Variants in ANKRD30A observed in about 807,000 individuals in gnomAD.
ANKRD30A encodes ankyrin repeat domain-containing protein 30A.
In ANKRD30A, 170 loss-of-function variants were observed where a neutral mutation model predicts 166.3. That is an observed-to-expected ratio of 1.02 (90% CI 0.90 to 1.16). ANKRD30A has a LOEUF of 1.16. Ranked by LOEUF, ANKRD30A falls within the 50% of genes most tolerant of loss-of-function variation. The probability of loss-of-function intolerance (pLI) is 0.00; values close to 1 mark genes in which losing one functional copy is unlikely to be tolerated. For synonymous variants in ANKRD30A, 564 were observed against 508.9 expected (o/e 1.11, Z -1.46); for missense variants, 1,630 against 1,518.0 (o/e 1.07, Z -1.23).
At chr10:37,234,740 CTT>C (rs1415570544), downstream of ANKRD30A, among the ~76,000 whole-genome samples, 9 of 152,142 alleles carry the variant, frequency 5.9e-5, no homozygotes, top group African/African-American at 2.2e-4. Flanking sequence ...ATTTAAGTAA[CTT>C]TTCTATTTCT....
At chr10:37,199,145 A>G (rs1246087961) in intron 29 of ANKRD30A, among the ~76,000 whole-genome samples, 1 of 152,112 alleles carries the variant, frequency 6.6e-6, no homozygotes, top group African/African-American at 2.4e-5. Context: ...CATATGCAAT[A>G]AAAGTTTTTT....
Position 37,219,306 on chromosome 10 carries a change from C to T in ANKRD30A, c.3594C>T (p.His1198=). Residue 1198 remains histidine, a synonymous_variant, in exon 34 of 36, where the codon CAC becomes CAT. Transcript: ENST00000361713. ...TACTAGAGGCAGAAATTGAATCACA[C>T]CATCCTAGACTGGCTTCTGCTGTAC... ...KEILEAEIES[H]HPRLASAVQD... is the part of the protein sequence containing the mutation. 2 of 1,610,422 alleles carry T rather than the reference C, an allele frequency of 1.2e-6. No homozygotes were observed. Among genetic ancestry groups the T allele is most frequent in the Non-Finnish European group, 1.7e-6 (2 of 1,177,592 alleles).
chr10:37,165,304 A>C (rs1459700355), intron 18 of ANKRD30A, 149 bp downstream of exon 18: 1 of 799,842 alleles, frequency 1.3e-6, no homozygotes, highest in African/African-American at 1.7e-5. Context: ...TGGAGAATCT[A>C]TGTGCTAAGT....
At chr10:37,240,499 A>G in the ANKRD30A span, among the ~76,000 whole-genome samples, 2 of 152,138 alleles carry the variant, frequency 1.3e-5, no homozygotes, top group Admixed American at 6.5e-5. Flanking sequence ...GAAATATTCT[A>G]CATTTCTTGG....
At chr10:37,178,471 T>A (rs1159053732) in intron 24 of ANKRD30A, 1 of 919,974 alleles carries the variant, frequency 1.1e-6, no homozygotes. Flanking sequence ...AGTTCTCAGG[T>A]GATGCTGATG....
chr10:37,247,829 C>T, the ANKRD30A span, among the ~76,000 whole-genome samples: 29,456 of 146,120 alleles, frequency 0.2, 3,266 homozygotes, highest in Admixed American at 0.28. Context: ...TTGCAGTGAG[C>T]GGAGATCGTG....
intron 17 of ANKRD30A, 64 bp from the exon 18 acceptor site, chr10:37,165,030 A>T: frequency 6.7e-7 from 1 of 1,483,418 alleles, no homozygotes; most frequent in Non-Finnish European, 9.4e-7. Flanking sequence ...AGATTTGTAT[A>T]TGTTTTTAAA....
rs1267152040 is a variant in ANKRD30A, at chr10:37,231,465, C to T, written c.4190C>T (p.Ser1397Leu). Residue 1397 changes from serine to leucine, a missense_variant, in exon 35 of 36, where the codon TCA (serine) becomes TTA (leucine). Ser to Leu is a moderately radical substitution (Grantham distance 145). This residue lies in a region of ANKRD30A where 712 missense variants were observed against 629.3 expected (regional missense o/e 1.13). Coordinates refer to ENST00000361713, the MANE Select transcript of ANKRD30A (RefSeq NM_052997.3). ...YEKEKAETEN[S>L] ...TTCCTTTTGCAATCTTCACAGAACTCATGAGAGACAAGCAGTAAGAAACTT... is the reference window on the plus strand; with the variant it reads ...TTCCTTTTGCAATCTTCACAGAACTTATGAGAGACAAGCAGTAAGAAACTT... 6.3e-7 allele frequency: 1 copy of T among 1,587,796 alleles called. No individual in the cohort carries two copies. Among genetic ancestry groups the T allele is most frequent in the Non-Finnish European group, 8.6e-7 (1 of 1,165,460 alleles).
At chr10:37,200,156 T>C (rs1169163631) in intron 30 of ANKRD30A, among the ~76,000 whole-genome samples, 4 of 152,038 alleles carry the variant, frequency 2.6e-5, no homozygotes, top group East Asian at 3.9e-4. Flanking sequence ...AAAGTTCTAA[T>C]TGGATTCATA....
chr10:37,151,572 C>T (rs17590009), intron 11 of ANKRD30A, among the ~76,000 whole-genome samples: 24 of 152,030 alleles, frequency 1.6e-4, no homozygotes, highest in African/African-American at 5.6e-4. Flanking sequence ...AAGGATTGGA[C>T]ATATAGTTGA....
chr10:37,159,151 C>T (rs1171042747), intron 15 of ANKRD30A, among the ~76,000 whole-genome samples: 1 of 152,120 alleles, frequency 6.6e-6, no homozygotes, highest in Non-Finnish European at 1.5e-5. Flanking sequence ...TTTAATGCTA[C>T]TGTAATGAAT....
rs541896317 is a variant in ANKRD30A at position 37,167,784 on chromosome 10, T to G, written c.2155+1089T>G. 1.2e-3 allele frequency among the ~76,000 whole-genome samples: 186 copies of G among 150,446 alleles called. 1 individual carries two copies. The highest frequency in any genetic ancestry group is 4.5e-3 in the African/African-American group (182 of 40,492). ...TTTAATATTATGCTCTAAGTATATA[T>G]CCAAGCTGATCAATTCATAACACTT... On this transcript the variant is annotated intron_variant, in intron 19 of 35. Coordinates refer to ENST00000361713, the MANE Select transcript of ANKRD30A (RefSeq NM_052997.3).
At chr10:37,209,705 A>G (rs1360495679) in intron 31 of ANKRD30A, among the ~76,000 whole-genome samples, 1 of 152,094 alleles carries the variant, frequency 6.6e-6, no homozygotes, top group Non-Finnish European at 1.5e-5. Context: ...ATTTGGTAGA[A>G]CTCACCAGTG....
At chr10:37,165,912 A>G (rs1052921497) in intron 18 of ANKRD30A, among the ~76,000 whole-genome samples, 1 of 152,072 alleles carries the variant, frequency 6.6e-6, no homozygotes. Flanking sequence ...GGTGGAAGTC[A>G]ATAGGTAGAT....
chr10:37,154,845 A>G (rs2132569842), intron 13 of ANKRD30A, among the ~76,000 whole-genome samples: 1 of 152,290 alleles, frequency 6.6e-6, no homozygotes, highest in East Asian at 1.9e-4. Flanking sequence ...TGGAATCATG[A>G]GGATTACTAG....
chr10:37,208,839 G>A (rs184068694), intron 31 of ANKRD30A, among the ~76,000 whole-genome samples: 10 of 152,244 alleles, frequency 6.6e-5, no homozygotes, highest in Admixed American at 2.0e-4. Context: ...TTGGAAAGAT[G>A]AGCCAAAAGT....
intron 34 of ANKRD30A, among the ~76,000 whole-genome samples, chr10:37,227,933 C>T (rs1447507917): frequency 6.6e-6 from 1 of 151,978 alleles, no homozygotes; most frequent in Admixed American, 6.6e-5. Flanking sequence ...CATCATCTTG[C>T]AGTTCACAGG....
intron 24 of ANKRD30A, among the ~76,000 whole-genome samples, chr10:37,177,307 G>T (rs1839803951): frequency 2.0e-5 from 3 of 152,296 alleles, no homozygotes; most frequent in African/African-American, 7.2e-5. Flanking sequence ...CAAATGTGTT[G>T]TATTTTGTTT....
chr10:37,214,120 T>C (rs1008134976), intron 31 of ANKRD30A, among the ~76,000 whole-genome samples: 1 of 151,680 alleles, frequency 6.6e-6, no homozygotes, highest in Admixed American at 6.6e-5. Flanking sequence ...AGGACTGTTA[T>C]GTTTTCTTGA....
Sources: gnomAD v4.1 joint callset for allele counts (sites outside exome capture counted in the v4.1 genomes callset) on GRCh38, gnomAD v4.1.1 for gene constraint, gnomAD v4.1.1 regional missense constraint, MANE v1.5 for transcripts, NCBI Gene and HGNC (gene_info 2026-07-23, HGNC 2026-07-21) for gene names.